MED13L: variants seen among roughly 807,000 people sequenced by gnomAD.
MED13L encodes the protein mediator of RNA polymerase II transcription subunit 13-like.
A neutral mutation model predicts 220.9 loss-of-function variants in MED13L; 7 were observed. The ratio of observed to expected loss-of-function variants is 0.03; its 90% CI spans 0.02 to 0.06. The LOEUF (loss-of-function observed/expected upper bound fraction) is 0.06. MED13L is among the 10% of genes least tolerant of loss of function. The probability of loss-of-function intolerance (pLI) is 1.00; values close to 1 mark genes in which losing one functional copy is unlikely to be tolerated. For missense variants in MED13L, 1,965 were observed against 2,760.5 expected (o/e 0.71, Z 6.46); for synonymous variants, 1,011 against 1,015.2 (o/e 1.00, Z 0.08).
intron 4 of MED13L, among the ~76,000 whole-genome samples, chr12:116,067,334 T>C (rs1870025159): frequency 6.6e-6 from 1 of 152,188 alleles, no homozygotes; most frequent in African/African-American, 2.4e-5. Flanking sequence ...ATGTATTATA[T>C]ACGTTATGAA....
intron 3 of MED13L, among the ~76,000 whole-genome samples, chr12:116,100,735 G>C (rs1873004100): frequency 6.6e-6 from 1 of 151,886 alleles, no homozygotes; most frequent in African/African-American, 2.4e-5. Context: ...GTGGAACCCT[G>C]TATCTACAAA....
chr12:116,065,984 A>G (rs907024925), intron 4 of MED13L, among the ~76,000 whole-genome samples: 1 of 152,220 alleles, frequency 6.6e-6, no homozygotes, highest in African/African-American at 2.4e-5. Context: ...AAGGAGCTAT[A>G]CAAGCACATA....
At chr12:116,086,283 C>CTT (rs756507659) in intron 4 of MED13L, among the ~76,000 whole-genome samples, 10,487 of 109,430 alleles carry the variant, frequency 0.096, 532 homozygotes, top group Middle Eastern at 0.14. Context: ...CACGATAATT[C>CTT]TTTTTTTTTT....
chr12:116,097,450 T>C (rs775356135), intron 3 of MED13L, among the ~76,000 whole-genome samples: 4 of 152,180 alleles, frequency 2.6e-5, no homozygotes, highest in Non-Finnish European at 5.9e-5. Context: ...CCAGCCCATC[T>C]TGCAAGTTTT....
chr12:115,988,880 C>T (rs1877876236), intron 17 of MED13L, among the ~76,000 whole-genome samples: 3 of 152,222 alleles, frequency 2.0e-5, no homozygotes, highest in Admixed American at 2.0e-4. Flanking sequence ...TGATCATCCA[C>T]ATTTCTTTAG....
intron 16 of MED13L, among the ~76,000 whole-genome samples, chr12:115,993,594 T>C: frequency 6.6e-6 from 1 of 152,028 alleles, no homozygotes; most frequent in African/African-American, 2.4e-5. Context: ...TGGCAATCAC[T>C]GCTCTCTTAG....
In MED13L at chr12:115,996,460, C is replaced by G. The variant is rs774085390; in HGVS notation, c.2996+16G>C. ...CATCAAATATGGCAAGTAAATGACA[C>G]AATCCCTATACATACTTGTAGCCAT... On this transcript the variant is annotated intron_variant, in intron 16 of 30. Coordinates refer to ENST00000281928, the MANE Select transcript of MED13L (RefSeq NM_015335.5). 1.9e-6 allele frequency: 3 copies of G among 1,604,374 alleles called. No individual in the cohort carries two copies. The highest frequency in any genetic ancestry group is 2.6e-6 in the Non-Finnish European group (3 of 1,171,236).
intron 4 of MED13L, among the ~76,000 whole-genome samples, chr12:116,030,431 C>CCAGAAA (rs1303546775): frequency 6.6e-6 from 1 of 151,900 alleles, no homozygotes; most frequent in Non-Finnish European, 1.5e-5. Flanking sequence ...TCAAAATCTA[C>CCAGAAA]CAGAAACAGT....
At chr12:116,114,422 T>G (rs923409918) in intron 2 of MED13L, among the ~76,000 whole-genome samples, 27 of 152,210 alleles carry the variant, frequency 1.8e-4, no homozygotes, top group Admixed American at 1.2e-3. Flanking sequence ...CTGACACAAT[T>G]TTAATACACC....
At chr12:115,973,775 A>T (rs918866754) in intron 25 of MED13L, among the ~76,000 whole-genome samples, 21 of 152,242 alleles carry the variant, frequency 1.4e-4, no homozygotes, top group African/African-American at 5.1e-4. Context: ...AAGATTCATT[A>T]TGATATTCCT....
intron 2 of MED13L, among the ~76,000 whole-genome samples, chr12:116,150,367 A>G (rs1022383403): frequency 1.3e-5 from 2 of 152,240 alleles, no homozygotes; most frequent in Non-Finnish European, 2.9e-5. Context: ...AGTCTTGGAA[A>G]GCAAATCCAA....
In MED13L at chr12:116,007,622, G is replaced by A; in HGVS notation, c.2027C>T (p.Pro676Leu). Residue 676 changes from proline (P) to leucine (L), a missense_variant, in exon 11 of 31, where the codon CCT becomes CTT. Pro to Leu is a moderately conservative substitution (Grantham distance 98). Transcript: ENST00000281928. Reference protein sequence around the residue: ...STALQRLLAQPNKRFKIWQDK... With the variant: ...STALQRLLAQLNKRFKIWQDK... ...TTGCCAGATTTTAAACCGTTTGTTAGGTTGTGCTAAGAGTCTAAAAGACAA... is the reference window on the plus strand; with the variant it reads ...TTGCCAGATTTTAAACCGTTTGTTAAGTTGTGCTAAGAGTCTAAAAGACAA... The A allele has an allele frequency of 6.8e-7, 1 of 1,480,602 alleles. No individual in the cohort carries two copies. The highest frequency in any genetic ancestry group is 9.3e-7 in the Non-Finnish European group (1 of 1,077,422). 91.7% of individuals were successfully genotyped at this position (1,480,602 alleles called of 1,614,324 possible).
chr12:116,091,181 A>G (rs540788351), intron 4 of MED13L, among the ~76,000 whole-genome samples: 3 of 152,008 alleles, frequency 2.0e-5, no homozygotes, highest in Admixed American at 1.3e-4. Context: ...ATAAAAAAGA[A>G]TTTAAAAAAC....
At chr12:116,060,664 A>T (rs1325510486) in intron 4 of MED13L, among the ~76,000 whole-genome samples, 1 of 152,144 alleles carries the variant, frequency 6.6e-6, no homozygotes, top group Non-Finnish European at 1.5e-5. Flanking sequence ...CAATTAACTG[A>T]AAGTACTACT....
Position 115,983,331 on chromosome 12 carries a change from C to G in MED13L, c.4741G>C (p.Gly1581Arg). The G allele has an allele frequency of 6.2e-7, 1 of 1,614,188 alleles. No individual in the cohort carries two copies. Among genetic ancestry groups the G allele is most frequent in the Non-Finnish European group, 8.5e-7 (1 of 1,180,018 alleles). The change falls in exon 21 of 31, where the codon GGT (glycine) becomes CGT (arginine). Residue 1581 changes from glycine (G) to arginine (R), a missense_variant. Gly to Arg is a moderately radical substitution (Grantham distance 125). This residue lies in a region of MED13L where 510 missense variants were observed against 620.4 expected (regional missense o/e 0.82). Coordinates refer to ENST00000281928, the MANE Select transcript of MED13L (RefSeq NM_015335.5). ...TNPAASSSAS[G>R]SSVPPVSSSA... Reference sequence around the variant, plus strand: ...GATGAGACCGGTGGCACAGAGGAACCAGATGCAGAACTACTTGCTGCAGGA... The same window carrying G: ...GATGAGACCGGTGGCACAGAGGAACGAGATGCAGAACTACTTGCTGCAGGA...
At chr12:115,980,720 T>C in intron 23 of MED13L, 30 bp downstream of exon 23, 1 of 1,611,436 alleles carries the variant, frequency 6.2e-7, no homozygotes, top group Non-Finnish European at 8.5e-7. Context: ...TAGTATAAAT[T>C]TTCTAAGTTT....
At chr12:115,993,690 T>A (rs1426891815) in intron 16 of MED13L, among the ~76,000 whole-genome samples, 1 of 152,156 alleles carries the variant, frequency 6.6e-6, no homozygotes, top group Non-Finnish European at 1.5e-5. Flanking sequence ...ACCCTAAAAT[T>A]ATTACGCAGT....
intron 4 of MED13L, among the ~76,000 whole-genome samples, chr12:116,051,481 A>G (rs1254521962): frequency 1.3e-5 from 2 of 152,238 alleles, no homozygotes; most frequent in Non-Finnish European, 2.9e-5. Flanking sequence ...TGTTGGCTAC[A>G]GATCATATGC....
intron 4 of MED13L, among the ~76,000 whole-genome samples, chr12:116,033,065 T>G (rs1037510981): frequency 6.6e-6 from 1 of 150,444 alleles, no homozygotes; most frequent in African/African-American, 2.4e-5. Flanking sequence ...CTGTGGTGTA[T>G]GAGTTTGATT....
Sources: gnomAD v4.1 joint callset for allele counts (sites outside exome capture counted in the v4.1 genomes callset) on GRCh38, gnomAD v4.1.1 for gene constraint, gnomAD v4.1.1 regional missense constraint, MANE v1.5 for transcripts, NCBI Gene and HGNC (gene_info 2026-07-23, HGNC 2026-07-21) for gene names.